The following PCP4 variants were observed in gnomAD, a reference collection of about 807,000 sequenced individuals.
PCP4 encodes Purkinje cell protein 4.
In PCP4, 8 loss-of-function variants were observed where a neutral mutation model predicts 10.0. The observed-to-expected ratio is 0.80, with a 90% CI of 0.47 to 1.45. PCP4 has a LOEUF of 1.45. Among genes scored for constraint, PCP4 ranks in the 40% most tolerant of loss-of-function variants. The probability of loss-of-function intolerance (pLI) is 0.00; values close to 1 mark genes in which losing one functional copy is unlikely to be tolerated. For missense variants in PCP4, 54 were observed against 74.4 expected, an observed-to-expected ratio of 0.73 and a Z score of 1.01; for synonymous variants, 21 against 23.0, an observed-to-expected ratio of 0.91 and a Z score of 0.24.
intron 1 of PCP4, among the ~76,000 whole-genome samples, chr21:39,891,585 G>T (rs981478050): frequency 6.6e-6 from 1 of 152,218 alleles, no homozygotes; most frequent in Non-Finnish European, 1.5e-5. Flanking sequence ...AGAGAAAACA[G>T]CTGGGCCTGG....
intron 1 of PCP4, among the ~76,000 whole-genome samples, chr21:39,895,500 C>T (rs1182701536): frequency 6.6e-6 from 1 of 152,236 alleles, no homozygotes; most frequent in East Asian, 1.9e-4. Flanking sequence ...ATGCTGCACA[C>T]AGTACTGAGA....
intron 2 of PCP4, among the ~76,000 whole-genome samples, chr21:39,921,976 A>G (rs1461980881): frequency 6.6e-6 from 1 of 152,224 alleles, no homozygotes; most frequent in Admixed American, 6.5e-5. Context: ...ATTTTAATTT[A>G]TCAAAGCATT....
At chr21:39,916,681 C>T (rs2087570043) in intron 2 of PCP4, among the ~76,000 whole-genome samples, 1 of 152,192 alleles carries the variant, frequency 6.6e-6, no homozygotes, top group Non-Finnish European at 1.5e-5. Context: ...CATTGCAGCA[C>T]TATTCACAAT....
chr21:39,913,689 G>A (rs903153653), intron 2 of PCP4, among the ~76,000 whole-genome samples: 1 of 152,196 alleles, frequency 6.6e-6, no homozygotes, highest in Non-Finnish European at 1.5e-5. Flanking sequence ...GCAGTGATGG[G>A]CGTCTATCAG....
intron 1 of PCP4, among the ~76,000 whole-genome samples, chr21:39,889,589 T>C (rs1317294111): frequency 7.4e-6 from 1 of 136,052 alleles, no homozygotes; most frequent in Non-Finnish European, 1.7e-5. Flanking sequence ...GCTAATTTTT[T>C]GTATTTTTAG....
chr21:39,928,906 T>A, intron 2 of PCP4, 78 bp from the exon 3 acceptor site: 1 of 1,467,820 alleles, frequency 6.8e-7, no homozygotes, highest in South Asian at 1.2e-5. Context: ...CTTCCTGGCT[T>A]CACTTATCTA....
At chr21:39,881,942 G>A (rs966728994) in intron 1 of PCP4, among the ~76,000 whole-genome samples, 1 of 152,094 alleles carries the variant, frequency 6.6e-6, no homozygotes, top group African/African-American at 2.4e-5. Context: ...AACATGCTTG[G>A]GCATAATCCT....
At chr21:39,909,406 C>G (rs960912666) in intron 2 of PCP4, among the ~76,000 whole-genome samples, 1 of 152,184 alleles carries the variant, frequency 6.6e-6, no homozygotes, top group Non-Finnish European at 1.5e-5. Flanking sequence ...AAATTATTTG[C>G]ATATCACTAG....
chr21:39,910,382 A>T (rs568902121), intron 2 of PCP4, among the ~76,000 whole-genome samples: 15 of 152,084 alleles, frequency 9.9e-5, no homozygotes, highest in Admixed American at 2.0e-4. Flanking sequence ...AACCTTTCTT[A>T]CACTTCAAGT....
intron 1 of PCP4, among the ~76,000 whole-genome samples, chr21:39,874,287 C>T (rs946091288): frequency 2.6e-5 from 4 of 152,238 alleles, no homozygotes; most frequent in Admixed American, 1.3e-4. Flanking sequence ...CAGCCATACA[C>T]GAGTCAGACC....
chr21:39,867,717 C>T (rs2087301090), intron 1 of PCP4, among the ~76,000 whole-genome samples: 1 of 152,128 alleles, frequency 6.6e-6, no homozygotes, highest in Non-Finnish European at 1.5e-5. Flanking sequence ...CTACAATTAG[C>T]CTGAGGAGGA....
chr21:39,920,717 T>C (rs1385769505), intron 2 of PCP4, among the ~76,000 whole-genome samples: 7 of 152,236 alleles, frequency 4.6e-5, no homozygotes, highest in Non-Finnish European at 2.9e-5. Flanking sequence ...AGCTCTGTCA[T>C]GCCCTAGGTG....
chr21:39,905,151 A>C (rs1018015759), intron 2 of PCP4, among the ~76,000 whole-genome samples: 6 of 152,144 alleles, frequency 3.9e-5, no homozygotes, highest in Non-Finnish European at 7.4e-5. Context: ...CCAGAGGCAC[A>C]TGGGTGGTGG....
chr21:39,886,285 A>G (rs780701209), intron 1 of PCP4, among the ~76,000 whole-genome samples: 13 of 152,136 alleles, frequency 8.5e-5, no homozygotes, highest in Non-Finnish European at 1.3e-4. Flanking sequence ...ATTAATTTTC[A>G]GGAAACTGAC....
chr21:39,922,581 A>C (rs1488172767), intron 2 of PCP4, among the ~76,000 whole-genome samples: 1 of 152,120 alleles, frequency 6.6e-6, no homozygotes, highest in Non-Finnish European at 1.5e-5. Context: ...TTATTTTTCC[A>C]AGCCTCAGGG....
chr21:39,878,998 T>C (rs547834131), intron 1 of PCP4, among the ~76,000 whole-genome samples: 8 of 151,964 alleles, frequency 5.3e-5, no homozygotes, highest in Non-Finnish European at 1.0e-4. Flanking sequence ...TTTTTCTTTT[T>C]TTTTTTTTGA....
At chr21:39,910,898 TC>T (rs1173976737) in intron 2 of PCP4, among the ~76,000 whole-genome samples, 1 of 152,226 alleles carries the variant, frequency 6.6e-6, no homozygotes, top group Non-Finnish European at 1.5e-5. Flanking sequence ...ATTTGTTCTG[TC>T]CCTGCCATTC....
At chr21:39,922,447 G>A (rs996907690) in intron 2 of PCP4, among the ~76,000 whole-genome samples, 10 of 152,176 alleles carry the variant, frequency 6.6e-5, no homozygotes, top group Admixed American at 3.9e-4. Flanking sequence ...CAGGAAAGTA[G>A]CATAAGAAAT....
chr21:39,870,185 G>A (rs775375781), intron 1 of PCP4, among the ~76,000 whole-genome samples: 15 of 152,218 alleles, frequency 9.9e-5, no homozygotes, highest in East Asian at 7.7e-4. Flanking sequence ...ACAACAAGAC[G>A]TCTTCTTTAT....
Sources: allele counts gnomAD v4.1 joint callset (sites outside exome capture counted in the v4.1 genomes callset), GRCh38; gene constraint gnomAD v4.1.1; transcripts MANE v1.5; gene names NCBI Gene and HGNC (gene_info 2026-07-23, HGNC 2026-07-21).